IGBP1C: variants seen among roughly 807,000 people sequenced by gnomAD.
IGBP1C encodes the protein IGBP1 family member C.
At chr17:58,683,425 A>G in the IGBP1C span, among the ~76,000 whole-genome samples, 1 of 151,808 alleles carries the variant, frequency 6.6e-6, no homozygotes, top group South Asian at 2.1e-4. Context: ...ACATAAGTAA[A>G]CATATAAAAT....
the IGBP1C span, among the ~76,000 whole-genome samples, chr17:58,678,729 C>G: frequency 6.6e-6 from 1 of 151,334 alleles, no homozygotes; most frequent in African/African-American, 2.4e-5. Flanking sequence ...ATGTAAATGA[C>G]GAGTTAATGG....
At chr17:58,689,870 G>T in the IGBP1C span, among the ~76,000 whole-genome samples, 1 of 146,020 alleles carries the variant, frequency 6.8e-6, no homozygotes. Context: ...TTTTTTCTGA[G>T]ATGGAGTCTC....
the IGBP1C span, chr17:58,661,582 G>A: frequency 1.4e-6 from 1 of 729,214 alleles, no homozygotes; most frequent in East Asian, 2.4e-5. Context: ...GCAGGAACTC[G>A]TCTTCAGCAG....
the IGBP1C span, among the ~76,000 whole-genome samples, chr17:58,689,671 A>G: frequency 5.9e-5 from 9 of 152,162 alleles, no homozygotes; most frequent in Non-Finnish European, 1.2e-4. Flanking sequence ...TTTTTTGAGA[A>G]AAGTGATTAC....
the IGBP1C span, among the ~76,000 whole-genome samples, chr17:58,686,680 C>T: frequency 6.6e-6 from 1 of 151,898 alleles, no homozygotes; most frequent in Admixed American, 6.6e-5. Context: ...ACATATTGGG[C>T]TTCTATTATG....
the IGBP1C span, chr17:58,677,735 G>C: frequency 6.6e-6 from 1 of 151,126 alleles, no homozygotes; most frequent in Non-Finnish European, 1.5e-5. Flanking sequence ...GCCCGGTAAA[G>C]TGGAAGGCAT....
At chr17:58,670,844 G>A in the IGBP1C span, among the ~76,000 whole-genome samples, 1 of 143,582 alleles carries the variant, frequency 7.0e-6, no homozygotes, top group South Asian at 2.3e-4. Flanking sequence ...GAAAGCATAT[G>A]TTAAGCATCT....
At chr17:58,663,048 G>A in the IGBP1C span, among the ~76,000 whole-genome samples, 1 of 151,506 alleles carries the variant, frequency 6.6e-6, no homozygotes, top group African/African-American at 2.4e-5. Flanking sequence ...GGCAGAGGTT[G>A]CAGTGAGCCG....
chr17:58,683,873 T>C, the IGBP1C span, among the ~76,000 whole-genome samples: 7 of 150,740 alleles, frequency 4.6e-5, no homozygotes, highest in Non-Finnish European at 8.9e-5. Flanking sequence ...AAGACTATCC[T>C]GGCCAACATG....
the IGBP1C span, chr17:58,660,979 T>C: frequency 3.4e-6 from 4 of 1,167,070 alleles, no homozygotes; most frequent in East Asian, 7.0e-5. Context: ...CAATCTCTTC[T>C]AAGCTGATAT....
the IGBP1C span, among the ~76,000 whole-genome samples, chr17:58,691,321 T>G: frequency 6.6e-6 from 1 of 152,084 alleles, no homozygotes; most frequent in East Asian, 1.9e-4. Context: ...GGGCTCTGAT[T>G]TGCAATATTT....
chr17:58,677,906 C>T, the IGBP1C span, among the ~76,000 whole-genome samples: 5 of 152,232 alleles, frequency 3.3e-5, no homozygotes, highest in Non-Finnish European at 4.4e-5. Context: ...AATCCCAACA[C>T]TTTGGGAGGC....
chr17:58,667,202 G>C, the IGBP1C span, among the ~76,000 whole-genome samples: 1 of 152,294 alleles, frequency 6.6e-6, no homozygotes, highest in Non-Finnish European at 1.5e-5. Context: ...ATTCCAAGAA[G>C]GGGAACAGGG....
chr17:58,691,396 C>T, the IGBP1C span, among the ~76,000 whole-genome samples: 7 of 150,548 alleles, frequency 4.6e-5, no homozygotes, highest in African/African-American at 1.7e-4. Flanking sequence ...GGGCCGGGCG[C>T]GGTGGCTCAC....
chr17:58,676,677 T>A, the IGBP1C span, among the ~76,000 whole-genome samples: 114 of 152,300 alleles, frequency 7.5e-4, 2 homozygotes, highest in East Asian at 0.022. Flanking sequence ...CTATAGTCAT[T>A]GTTAAGAGCA....
chr17:58,678,809 A>C, the IGBP1C span, among the ~76,000 whole-genome samples: 1 of 116,548 alleles, frequency 8.6e-6, no homozygotes, highest in Admixed American at 1.0e-4. Context: ...TGTACCCTAG[A>C]ACTTAAAGTA....
the IGBP1C span, chr17:58,661,080 A>G: frequency 1.9e-6 from 2 of 1,053,676 alleles, no homozygotes; most frequent in Non-Finnish European, 3.0e-6. Context: ...ATTGTAGACA[A>G]CTTATGCTCC....
the IGBP1C span, among the ~76,000 whole-genome samples, chr17:58,690,513 G>A: frequency 0.24 from 36,469 of 152,094 alleles, 5,280 homozygotes; most frequent in Middle Eastern, 0.41. Context: ...TTCTAAACAC[G>A]ACTGATTCCA....
the IGBP1C span, chr17:58,677,542 A>G: frequency 6.6e-6 from 1 of 152,238 alleles, no homozygotes; most frequent in African/African-American, 2.4e-5. Context: ...AGACAATCAC[A>G]TTGGCTACTT....
Sources: allele counts gnomAD v4.1 joint callset (sites outside exome capture counted in the v4.1 genomes callset), GRCh38; gene constraint gnomAD v4.1.1; transcripts MANE v1.5; gene names NCBI Gene and HGNC (gene_info 2026-07-23, HGNC 2026-07-21).